Variants in ACSM5 observed in about 807,000 individuals in gnomAD.
The protein encoded by ACSM5 is acyl-CoA synthetase medium chain family member 5.
A neutral mutation model predicts 71.6 loss-of-function variants in ACSM5; 56 were observed. The ratio of observed to expected loss-of-function variants is 0.78; its 90% CI spans 0.63 to 0.98. The LOEUF (loss-of-function observed/expected upper bound fraction) is 0.98, where lower values mean the gene tolerates loss of function less well. Ranked by LOEUF, ACSM5 falls within the 50% of genes least tolerant of loss-of-function variation. The probability of loss-of-function intolerance (pLI) is 0.00; values close to 1 mark genes in which losing one functional copy is unlikely to be tolerated. For missense variants in ACSM5, 723 were observed against 726.0 expected (o/e 1.00, Z 0.05); for synonymous variants, 285 against 281.5 (o/e 1.01, Z -0.12).
chr16:20,433,182 A>T (rs1252635553), intron 10 of ACSM5, among the ~76,000 whole-genome samples: 2 of 152,154 alleles, frequency 1.3e-5, no homozygotes, highest in Non-Finnish European at 2.9e-5. Flanking sequence ...TAATTAAGAG[A>T]AAAATATTAA....
intron 2 of ACSM5, 151 bp from the exon 3 acceptor site, chr16:20,417,908 C>A: frequency 1.3e-6 from 1 of 744,492 alleles, no homozygotes; most frequent in Non-Finnish European, 2.1e-6. Context: ...AGGAGGGGAG[C>A]AAGCCTTTTC....
At position 20,419,451 on chromosome 16, in the gene ACSM5, C is replaced by G; in HGVS notation, c.623+16C>G. 6.2e-7 allele frequency: 1 copy of G among 1,611,968 alleles called. No homozygotes were observed. The highest frequency in any genetic ancestry group is 8.5e-7 in the Non-Finnish European group (1 of 1,178,272). On this transcript the variant is annotated intron_variant, in intron 4 of 13. Transcript: ENST00000331849. ...AACTCCTCCGGTGAATTGGGGCTCT[C>G]CAGAACAGCAGAAAAATGAAGTCAT...
At position 20,421,343 on chromosome 16, in the gene ACSM5, C is replaced by A. The variant is rs150645471; in HGVS notation, c.709C>A (p.Pro237Thr). 3.2e-4 allele frequency: 512 copies of A among 1,609,480 alleles called. No homozygotes were observed. The highest frequency in any genetic ancestry group is 1.0e-5 in the Non-Finnish European group (12 of 1,177,688). ...IYFTSGTTGAPKMVEHSQSSY... is the reference protein window; with the variant it reads ...IYFTSGTTGATKMVEHSQSSY... Reference sequence around the variant, plus strand: ...CTTTACCAGCGGAACCACCGGGGCCCCCAAGATGGTCGAGCACTCCCAGAG... The same window carrying A: ...CTTTACCAGCGGAACCACCGGGGCCACCAAGATGGTCGAGCACTCCCAGAG... Residue 237 changes from proline (P) to threonine (T), a missense_variant, in exon 5 of 14, where the codon CCC becomes ACC. Coordinates refer to ENST00000331849, the MANE Select transcript of ACSM5 (RefSeq NM_017888.3).
chr16:20,436,039 T>G (rs944917448), intron 10 of ACSM5, among the ~76,000 whole-genome samples: 1 of 151,102 alleles, frequency 6.6e-6, no homozygotes, highest in African/African-American at 2.4e-5. Context: ...TTCTTTTTCT[T>G]TCTTTCTCTT....
At chr16:20,426,205 A>C (rs760758325) in intron 6 of ACSM5, among the ~76,000 whole-genome samples, 3 of 152,192 alleles carry the variant, frequency 2.0e-5, no homozygotes, top group Non-Finnish European at 2.9e-5. Context: ...TCATGATCAA[A>C]CTCATCACCA....
chr16:20,431,208 T>C lies in ACSM5; in HGVS notation c.1207-12T>C. 1.9e-6 allele frequency: 3 copies of C among 1,613,242 alleles called. No homozygotes were observed. The highest frequency in any genetic ancestry group is 2.2e-5 in the South Asian group (2 of 91,036). ...ACTCACGTATGCACCTCTGTGATGA[T>C]TTCCTTACCAGATTGTGGATGATGA... On this transcript the variant is annotated splice_polypyrimidine_tract_variant and intron_variant, in intron 9 of 13. Coordinates refer to ENST00000331849, the MANE Select transcript of ACSM5 (RefSeq NM_017888.3).
chr16:20,436,976 A>G lies in ACSM5; in HGVS notation c.1309-76A>G, dbSNP rs1029166596. 17 of 1,522,934 alleles carry G rather than the reference A, an allele frequency of 1.1e-5. No individual in the cohort carries two copies. In the African/African-American group the frequency reaches 2.4e-4, roughly 21 times the overall value. 94.3% of individuals were successfully genotyped at this position (1,522,934 alleles called of 1,614,324 possible). A position where few individuals can be genotyped will look rare whatever the true frequency, so the allele number is the denominator to read the frequency against. On this transcript the variant is annotated intron_variant, in intron 10 of 13. Coordinates refer to ENST00000331849, the MANE Select transcript of ACSM5 (RefSeq NM_017888.3). ...TGTTGAGTGGTCTCCAGCTTCCTAC[A>G]GGGGGCTACTGGGGCAGTAACTGGC... is the stretch of plus-strand genomic sequence containing the variant.
chr16:20,431,870 G>C (rs569344417), intron 10 of ACSM5, among the ~76,000 whole-genome samples: 2 of 152,000 alleles, frequency 1.3e-5, no homozygotes, highest in Admixed American at 1.3e-4. Context: ...AGAATTGCTT[G>C]AACCAGGGAG....
rs140077005 is a variant in ACSM5, at chr16:20,437,157, G to A, written c.1414G>A (p.Asp472Asn). 1.5e-4 allele frequency: 240 copies of A among 1,614,160 alleles called. 1 individual carries two copies. In the African/African-American group the frequency reaches 2.8e-3, roughly 19 times the overall value. The change falls in exon 11 of 14, where the codon GAC becomes AAC. Residue 472 changes from aspartate to asparagine, a missense_variant. By Grantham distance (23) the Asp-to-Asn change is conservative. Coordinates refer to ENST00000331849, the MANE Select transcript of ACSM5 (RefSeq NM_017888.3). ...CTACTTTTGGTTCATGGGAAGAAAC[G>A]ACGATGTGATCAATTCTTCAAGGTC... ...DGYFWFMGRNDDVINSSSYRI... is the reference protein window; with the variant it reads ...DGYFWFMGRNNDVINSSSYRI...
At chr16:20,409,761 AATGGG>A (rs1966843829) in intron 1 of ACSM5, 96 bp downstream of exon 1, 1 of 151,850 alleles carries the variant, frequency 6.6e-6, no homozygotes, top group South Asian at 2.1e-4. Flanking sequence ...GGTGTCGGGG[AATGGG>A]AAGGAGGCCT....
chr16:20,411,151 C>T (rs1966846897), intron 1 of ACSM5, among the ~76,000 whole-genome samples: 1 of 152,222 alleles, frequency 6.6e-6, no homozygotes. Flanking sequence ...TTCAGCTTTG[C>T]AAGGTCAGTT....
At chr16:20,424,119 T>A (rs1423736133) in intron 6 of ACSM5, 50 bp downstream of exon 6, 1 of 1,600,110 alleles carries the variant, frequency 6.2e-7, no homozygotes, top group Admixed American at 1.7e-5. Flanking sequence ...ACAAATGAGA[T>A]GAGTGGGATA....
chr16:20,411,908 A>G (rs763861830), intron 2 of ACSM5: 102 of 562,120 alleles, frequency 1.8e-4, no homozygotes, highest in Non-Finnish European at 2.8e-4. Flanking sequence ...AGTGTCCTGC[A>G]TTCTTGAGCC....
intron 2 of ACSM5, chr16:20,412,091 A>T: frequency 4.8e-6 from 1 of 210,314 alleles, no homozygotes. Context: ...CATGACCATA[A>T]TCCCAGCACT....
intron 1 of ACSM5, among the ~76,000 whole-genome samples, chr16:20,410,432 G>A (rs1178865395): frequency 1.3e-5 from 2 of 152,142 alleles, no homozygotes; most frequent in African/African-American, 2.4e-5. Context: ...ACTTTGAGTA[G>A]CAAGACACTA....
At chr16:20,431,161 G>C in intron 9 of ACSM5, 59 bp from the exon 10 acceptor site, 1 of 1,590,174 alleles carries the variant, frequency 6.3e-7, no homozygotes, top group Non-Finnish European at 8.6e-7. Context: ...CTGGGCTGCT[G>C]GGAGAGGCCC....
intron 5 of ACSM5, 69 bp from the exon 6 acceptor site, chr16:20,423,847 T>G (rs751690597): frequency 1.3e-6 from 2 of 1,578,250 alleles, no homozygotes; most frequent in African/African-American, 2.7e-5. Context: ...TGTGGTGATA[T>G]AGATAATACA....
chr16:20,413,851 A>G (rs1206352312), intron 2 of ACSM5, among the ~76,000 whole-genome samples: 2 of 152,094 alleles, frequency 1.3e-5, no homozygotes, highest in Non-Finnish European at 2.9e-5. Context: ...ACCCACCCAA[A>G]GACTGGGAGA....
At position 20,440,797 on chromosome 16, in the gene ACSM5, G is replaced by C. The variant is rs944776021; in HGVS notation, c.*370G>C. Reference sequence around the variant, plus strand: ...ATTTTCTGCCAGTGGGAATGTAAAGGCTTCATCCTTTGTATGTAACCATTT... The same window carrying C: ...ATTTTCTGCCAGTGGGAATGTAAAGCCTTCATCCTTTGTATGTAACCATTT... On this transcript the variant is annotated 3_prime_UTR_variant, in exon 14 of 14. Coordinates refer to ENST00000331849, the MANE Select transcript of ACSM5 (RefSeq NM_017888.3). The C allele has an allele frequency of 7.4e-5, 13 of 176,862 alleles. No individual in the cohort carries two copies. Among genetic ancestry groups the C allele is most frequent in the Non-Finnish European group, 1.1e-4 (9 of 82,434 alleles). The allele number at this position is 176,862 out of a possible 1,614,324, so 11.0% of individuals were successfully genotyped here.
Sources: allele counts gnomAD v4.1 joint callset (sites outside exome capture counted in the v4.1 genomes callset), GRCh38; gene constraint gnomAD v4.1.1; transcripts MANE v1.5; gene names NCBI Gene and HGNC (gene_info 2026-07-23, HGNC 2026-07-21).